DSCAM: variants seen among roughly 807,000 people sequenced by gnomAD.
The protein encoded by DSCAM is cell adhesion molecule DSCAM.
A neutral mutation model predicts 217.7 loss-of-function variants in DSCAM; 47 were observed. The observed-to-expected ratio is 0.22, with a 90% CI of 0.17 to 0.28. The LOEUF (loss-of-function observed/expected upper bound fraction) is 0.28, where lower values mean the gene tolerates loss of function less well. Among genes scored for constraint, DSCAM ranks in the 10% least tolerant of loss-of-function variants. The pLI is 1.00. For missense variants in DSCAM, 2,080 were observed against 2,618.3 expected, an observed-to-expected ratio of 0.79 and a Z score of 4.49; for synonymous variants, 1,056 against 1,015.3, an observed-to-expected ratio of 1.04 and a Z score of -0.76.
chr21:40,543,920 T>C (rs1163799455), intron 3 of DSCAM, among the ~76,000 whole-genome samples: 1 of 152,218 alleles, frequency 6.6e-6, no homozygotes, highest in African/African-American at 2.4e-5. Context: ...ATTATTTGTC[T>C]CATCTACCTA....
intron 25 of DSCAM, 46 bp downstream of exon 25, chr21:40,080,106 C>T (rs1182521812): frequency 7.8e-7 from 1 of 1,277,764 alleles, no homozygotes; most frequent in Non-Finnish European, 1.1e-6. Context: ...CCTCTTCTGG[C>T]CGGGAAAAGA....
intron 1 of DSCAM, among the ~76,000 whole-genome samples, chr21:40,727,683 C>A (rs1230760110): frequency 6.6e-6 from 1 of 152,264 alleles, no homozygotes; most frequent in East Asian, 1.9e-4. Context: ...CTGCTTCTAC[C>A]CTGGTCCCCT....
chr21:40,741,485 C>G (rs1430443010), intron 1 of DSCAM, among the ~76,000 whole-genome samples: 1 of 152,192 alleles, frequency 6.6e-6, no homozygotes, highest in African/African-American at 2.4e-5. Flanking sequence ...CCATGGTTCC[C>G]CATACCAACA....
chr21:40,291,677 T>C (rs1028859531), intron 10 of DSCAM, among the ~76,000 whole-genome samples: 2 of 152,218 alleles, frequency 1.3e-5, no homozygotes, highest in African/African-American at 4.8e-5. Flanking sequence ...CTCATCTGTC[T>C]TTAAGTCTTT....
chr21:40,119,176 C>A (rs994282855), intron 20 of DSCAM, among the ~76,000 whole-genome samples: 1 of 152,122 alleles, frequency 6.6e-6, no homozygotes, highest in East Asian at 1.9e-4. Context: ...GTTTGTGATG[C>A]CCCCTAACTC....
chr21:40,297,053 T>C (rs940239643), intron 9 of DSCAM, among the ~76,000 whole-genome samples: 7 of 152,042 alleles, frequency 4.6e-5, no homozygotes, highest in African/African-American at 9.7e-5. Flanking sequence ...TGAGAACACA[T>C]AGTCCGTTAT....
intron 15 of DSCAM, among the ~76,000 whole-genome samples, chr21:40,169,680 T>C (rs116401735): frequency 6.6e-6 from 1 of 152,136 alleles, no homozygotes. Context: ...AATGGGGACA[T>C]TGCGGCCTCG....
In DSCAM at chr21:40,637,488, A is replaced by C. The variant is rs187355560; in HGVS notation, c.508+55322T>G. Among the ~76,000 whole-genome samples the C allele has an allele frequency of 1.7e-3, 22 of 12,748 alleles. 4 individuals carry two copies. The highest frequency in any genetic ancestry group is 0.017 in the South Asian group (8 of 466). The allele number at this position is 12,748 out of a possible 152,430, so 8.4% of individuals were successfully genotyped here. ...ATATATAAATATATATAAATATATA[A>C]AAATATATAAATATATATAAATATA... On this transcript the variant is annotated intron_variant, in intron 3 of 32. Coordinates refer to ENST00000400454, the MANE Select transcript of DSCAM (RefSeq NM_001389.5).
At chr21:40,376,609 T>G (rs2074961452) in intron 3 of DSCAM, among the ~76,000 whole-genome samples, 1 of 23,586 alleles carries the variant, frequency 4.2e-5, no homozygotes, top group Non-Finnish European at 8.0e-5. Flanking sequence ...TCTATATATC[T>G]TATATAGATA....
intron 10 of DSCAM, among the ~76,000 whole-genome samples, chr21:40,280,753 G>A (rs1040769184): frequency 4.6e-5 from 7 of 152,184 alleles, no homozygotes; most frequent in African/African-American, 1.2e-4. Context: ...CTGAGCACCT[G>A]TACTGTGACA....
intron 3 of DSCAM, among the ~76,000 whole-genome samples, chr21:40,609,522 G>A (rs189163763): frequency 7.9e-5 from 12 of 152,292 alleles, no homozygotes; most frequent in Non-Finnish European, 1.8e-4. Flanking sequence ...ATGATTTGTA[G>A]CAAGGACGGC....
chr21:40,264,782 T>C (rs904125672), intron 11 of DSCAM, among the ~76,000 whole-genome samples: 1 of 152,158 alleles, frequency 6.6e-6, no homozygotes, highest in Non-Finnish European at 1.5e-5. Context: ...TAGAAAACCC[T>C]AAAGACTCCT....
chr21:40,142,929 T>C (rs999718815), intron 17 of DSCAM, among the ~76,000 whole-genome samples: 3 of 152,236 alleles, frequency 2.0e-5, no homozygotes, highest in African/African-American at 4.8e-5. Flanking sequence ...ATGGATTCCA[T>C]AGTCTCTCTT....
At chr21:40,622,433 G>A (rs1031289175) in intron 3 of DSCAM, among the ~76,000 whole-genome samples, 2 of 151,834 alleles carry the variant, frequency 1.3e-5, no homozygotes, top group African/African-American at 4.8e-5. Context: ...CTGTCATAGG[G>A]GTTTAATTGG....
At chr21:40,169,408 C>A (rs1002352170) in intron 15 of DSCAM, among the ~76,000 whole-genome samples, 3 of 152,088 alleles carry the variant, frequency 2.0e-5, no homozygotes, top group African/African-American at 4.8e-5. Context: ...AAAGGGTGCA[C>A]CCTGTGTCTT....
chr21:40,071,737 T>G (rs956064449), intron 27 of DSCAM, among the ~76,000 whole-genome samples: 4 of 152,214 alleles, frequency 2.6e-5, no homozygotes, highest in Non-Finnish European at 4.4e-5. Context: ...AGTCTGTAAA[T>G]ATATTTGAAC....
chr21:40,175,464 G>T (rs2090714280), intron 15 of DSCAM, among the ~76,000 whole-genome samples: 1 of 152,058 alleles, frequency 6.6e-6, no homozygotes, highest in Admixed American at 6.6e-5. Flanking sequence ...ACAATTCCAA[G>T]ATCAAGATGC....
intron 3 of DSCAM, among the ~76,000 whole-genome samples, chr21:40,381,335 G>C (rs190938213): frequency 6.6e-6 from 1 of 152,128 alleles, no homozygotes; most frequent in Admixed American, 6.5e-5. Flanking sequence ...GGATGTGCTC[G>C]TTGTATCAGG....
At chr21:40,125,108 AG>A (rs1289762471) in intron 19 of DSCAM, among the ~76,000 whole-genome samples, 1 of 152,082 alleles carries the variant, frequency 6.6e-6, no homozygotes. Flanking sequence ...GGCTCAGGAG[AG>A]GTATGGAAAT....
Sources: allele counts gnomAD v4.1 joint callset (sites outside exome capture counted in the v4.1 genomes callset), GRCh38; gene constraint gnomAD v4.1.1; transcripts MANE v1.5; gene names NCBI Gene and HGNC (gene_info 2026-07-23, HGNC 2026-07-21).